KLHL20: variants seen among roughly 807,000 people sequenced by gnomAD.
KLHL20 encodes the protein kelch like family member 20, also known as kelch-like protein 20.
A neutral mutation model predicts 69.5 loss-of-function variants in KLHL20; 29 were observed. That is an observed-to-expected ratio of 0.42 (90% confidence interval 0.31 to 0.57). The LOEUF (loss-of-function observed/expected upper bound fraction) is 0.57, where lower values mean the gene tolerates loss of function less well. Among genes scored for constraint, KLHL20 ranks in the 20% least tolerant of loss-of-function variants. KLHL20 has a pLI of 0.18. For synonymous variants in KLHL20, 253 were observed against 265.2 expected (o/e 0.95, Z 0.45); for missense variants, 419 against 776.0 (o/e 0.54, Z 5.47).
intron 7 of KLHL20, 99 bp from the exon 8 acceptor site, chr1:173,766,047 A>G (rs1400651369): frequency 2.1e-6 from 2 of 950,488 alleles, no homozygotes; most frequent in Non-Finnish European, 1.5e-6. Flanking sequence ...ACTTAGGGGA[A>G]ATAATATATA....
intron 2 of KLHL20, among the ~76,000 whole-genome samples, chr1:173,727,859 C>T (rs1672055628): frequency 6.6e-6 from 1 of 152,098 alleles, no homozygotes; most frequent in South Asian, 2.1e-4. Flanking sequence ...GCAAAATAAC[C>T]AGCTAACATC....
At chr1:173,732,210 AC>A (rs1388518418) in intron 2 of KLHL20, among the ~76,000 whole-genome samples, 1 of 151,756 alleles carries the variant, frequency 6.6e-6, no homozygotes, top group Non-Finnish European at 1.5e-5. Flanking sequence ...AAAAAAAAAA[AC>A]CAGTGTGATG....
At chr1:173,752,582 A>G (rs1346353129) in intron 4 of KLHL20, among the ~76,000 whole-genome samples, 2 of 152,238 alleles carry the variant, frequency 1.3e-5, no homozygotes, top group Admixed American at 1.3e-4. Flanking sequence ...TCAAGAGTAA[A>G]GACATGATGC....
intron 10 of KLHL20, among the ~76,000 whole-genome samples, chr1:173,777,615 C>A (rs1477991148): frequency 6.6e-6 from 1 of 152,098 alleles, no homozygotes; most frequent in Admixed American, 6.5e-5. Context: ...GGGTTTTTAT[C>A]ATGAAGGGAT....
chr1:173,724,480 A>G (rs1197427693), intron 2 of KLHL20, among the ~76,000 whole-genome samples: 1 of 152,220 alleles, frequency 6.6e-6, no homozygotes, highest in Non-Finnish European at 1.5e-5. Context: ...TGTTAAAAGA[A>G]TAATTATTTT....
chr1:173,757,726 T>A (rs962395502), intron 7 of KLHL20, among the ~76,000 whole-genome samples: 1 of 151,850 alleles, frequency 6.6e-6, no homozygotes, highest in African/African-American at 2.4e-5. Flanking sequence ...TGTTACTTAA[T>A]ACATACAACT....
rs769632286 is a variant in KLHL20 at position 173,735,936 on chromosome 1, C to CTTTT, written c.597+1669_597+1672dup. Among the ~76,000 whole-genome samples, 301 of 105,938 alleles carry CTTTT rather than the reference C, an allele frequency of 2.8e-3. 2 individuals are homozygous for CTTTT. Among genetic ancestry groups the CTTTT allele is most frequent in the Non-Finnish European group, 3.8e-3 (210 of 55,458 alleles). 69.5% of individuals were successfully genotyped at this position (105,938 alleles called of 152,430 possible). On this transcript the variant is annotated intron_variant, in intron 3 of 11. Transcript: ENST00000209884. Reference sequence around the variant, plus strand: ...CAGATTGCTGCAAATGCCATTCTATCTTTTTTTTTTTTTTTTTTTTTTGAG... The same window carrying CTTTT: ...CAGATTGCTGCAAATGCCATTCTATCTTTTTTTTTTTTTTTTTTTTTTTTTTGAG...
chr1:173,717,177 G>A (rs1047307136), intron 2 of KLHL20, among the ~76,000 whole-genome samples: 13 of 152,118 alleles, frequency 8.5e-5, no homozygotes, highest in African/African-American at 3.1e-4. Flanking sequence ...CACTGATTGT[G>A]TCTCATCTCC....
intron 3 of KLHL20, among the ~76,000 whole-genome samples, chr1:173,742,702 A>G (rs1672868397): frequency 6.6e-6 from 1 of 150,988 alleles, no homozygotes; most frequent in South Asian, 2.1e-4. Context: ...ATATGTGTAC[A>G]TATACATATG....
chr1:173,735,726 T>G lies in KLHL20; in HGVS notation c.597+1440T>G, dbSNP rs189878184. On this transcript the variant is annotated intron_variant, in intron 3 of 11. Transcript: ENST00000209884. Reference sequence around the variant, plus strand: ...CCCGAGCAGTGTACACCGTACCCAATGTGTAGTCTTTTATCTCTCACCCAC... The same window carrying G: ...CCCGAGCAGTGTACACCGTACCCAAGGTGTAGTCTTTTATCTCTCACCCAC... 7.9e-4 allele frequency among the ~76,000 whole-genome samples: 120 copies of G among 152,158 alleles called. 1 individual carries two copies. The highest frequency in any genetic ancestry group is 2.7e-3 in the African/African-American group (112 of 41,512).
At chr1:173,739,907 T>C (rs1672718177) in intron 3 of KLHL20, among the ~76,000 whole-genome samples, 1 of 151,430 alleles carries the variant, frequency 6.6e-6, no homozygotes, top group Non-Finnish European at 1.5e-5. Flanking sequence ...TCCCAAAGTG[T>C]TGGGATTACA....
intron 9 of KLHL20, 59 bp downstream of exon 9, chr1:173,774,497 C>T: frequency 1.3e-6 from 2 of 1,588,934 alleles, no homozygotes; most frequent in Non-Finnish European, 1.7e-6. Context: ...CCTGGAGAGT[C>T]CTCCTACAAA....
chr1:173,727,752 A>G (rs1352853853), intron 2 of KLHL20, among the ~76,000 whole-genome samples: 1 of 152,210 alleles, frequency 6.6e-6, no homozygotes, highest in Admixed American at 6.5e-5. Context: ...TGAAGGAGGC[A>G]CTAAACAGGG....
chr1:173,741,959 A>G (rs1672826500), intron 3 of KLHL20: 1 of 788,818 alleles, frequency 1.3e-6, no homozygotes, highest in Non-Finnish European at 2.1e-6. Flanking sequence ...TAAGTGGGAA[A>G]CCATCTCGAT....
rs567526711 is a variant in KLHL20, at chr1:173,773,751, C to T, written c.1296-554C>T. Among the ~76,000 whole-genome samples, 18 of 151,726 alleles carry T rather than the reference C, an allele frequency of 1.2e-4. No individual in the cohort carries two copies. The South Asian group carries it at 3.5e-3, about 30-fold the overall frequency. On this transcript the variant is annotated intron_variant, in intron 8 of 11. Coordinates refer to ENST00000209884, the MANE Select transcript of KLHL20 (RefSeq NM_014458.4). ...GTTGCCAGCCGGGCACGGTCACTCA[C>T]GCCTGTAATCCCAGCACTTTGGGAG...
chr1:173,723,017 G>A (rs1391118195), intron 2 of KLHL20, among the ~76,000 whole-genome samples: 1 of 152,108 alleles, frequency 6.6e-6, no homozygotes, highest in Non-Finnish European at 1.5e-5. Context: ...GAAAAACGGA[G>A]ACATTAGCTT....
chr1:173,743,514 A>G (rs1196941979), intron 3 of KLHL20, among the ~76,000 whole-genome samples: 2 of 150,498 alleles, frequency 1.3e-5, no homozygotes, highest in Non-Finnish European at 3.0e-5. Context: ...AACACTTACT[A>G]TGATGGTTGC....
At chr1:173,764,036 AAAAC>A (rs999924760) in intron 7 of KLHL20, among the ~76,000 whole-genome samples, 2 of 152,030 alleles carry the variant, frequency 1.3e-5, no homozygotes, top group Non-Finnish European at 2.9e-5. Context: ...CAGTGAGAAA[AAAAC>A]AATCCTATCA....
intron 2 of KLHL20, among the ~76,000 whole-genome samples, chr1:173,720,595 A>G (rs1459862055): frequency 6.6e-6 from 1 of 152,212 alleles, no homozygotes; most frequent in Non-Finnish European, 1.5e-5. Flanking sequence ...AAATTATGGC[A>G]AGGAAATGAA....
Sources: allele counts gnomAD v4.1 joint callset (sites outside exome capture counted in the v4.1 genomes callset), GRCh38; gene constraint gnomAD v4.1.1; transcripts MANE v1.5; gene names NCBI Gene and HGNC (gene_info 2026-07-23, HGNC 2026-07-21).